AGBL4: variants seen among roughly 807,000 people sequenced by gnomAD.
The protein encoded by AGBL4 is cytosolic carboxypeptidase 6.
AGBL4 carries 58 observed loss-of-function variants against 66.4 expected under a neutral mutation model. The ratio of observed to expected loss-of-function variants is 0.87; its 90% CI spans 0.71 to 1.09. The LOEUF (loss-of-function observed/expected upper bound fraction) is 1.09. Ranked by LOEUF, AGBL4 falls within the 50% of genes least tolerant of loss-of-function variation. The pLI is 0.00. For synonymous variants in AGBL4, 234 were observed against 222.9 expected (o/e 1.05, Z -0.44); for missense variants, 579 against 631.0 (o/e 0.92, Z 0.88).
intron 11 of AGBL4, among the ~76,000 whole-genome samples, chr1:48,546,864 A>AACAC (rs58136623): frequency 0.28 from 36,478 of 128,032 alleles, 5,409 homozygotes; most frequent in Admixed American, 0.43. Flanking sequence ...AAAACAAACA[A>AACAC]ACACACACAC....
intron 3 of AGBL4, among the ~76,000 whole-genome samples, chr1:49,246,723 A>G (rs978027336): frequency 1.3e-5 from 2 of 151,954 alleles, no homozygotes; most frequent in South Asian, 4.1e-4. Context: ...ATATGATAAA[A>G]AGACACTTCA....
chr1:49,841,759 G>C (rs1645995379), intron 2 of AGBL4: 2 of 310,746 alleles, frequency 6.4e-6, no homozygotes. Flanking sequence ...AAGGGAAGCA[G>C]AGCATAAAAG....
At chr1:48,634,439 C>T (rs990210797) in intron 9 of AGBL4, 54 bp downstream of exon 9, 1 of 1,442,370 alleles carries the variant, frequency 6.9e-7, no homozygotes, top group Non-Finnish European at 9.5e-7. Flanking sequence ...CAATGCTGCC[C>T]TTTCCCAGAT....
chr1:49,197,458 G>C (rs1647319415), intron 4 of AGBL4, among the ~76,000 whole-genome samples: 1 of 152,168 alleles, frequency 6.6e-6, no homozygotes, highest in South Asian at 2.1e-4. Flanking sequence ...TTAAGAGTTT[G>C]TTACAGGGGT....
chr1:48,568,623 A>G (rs530241841), intron 11 of AGBL4, among the ~76,000 whole-genome samples: 15 of 152,302 alleles, frequency 9.8e-5, no homozygotes, highest in Admixed American at 5.9e-4. Context: ...GCTAGGAAGA[A>G]TACTCCAACC....
intron 6 of AGBL4, among the ~76,000 whole-genome samples, chr1:48,778,688 A>G (rs979425599): frequency 6.6e-6 from 1 of 152,200 alleles, no homozygotes; most frequent in Non-Finnish European, 1.5e-5. Flanking sequence ...ACTATTTTCC[A>G]CAATGTTTTA....
At chr1:48,705,024 G>A (rs1174888597) in intron 6 of AGBL4, among the ~76,000 whole-genome samples, 2 of 152,176 alleles carry the variant, frequency 1.3e-5, no homozygotes, top group Non-Finnish European at 2.9e-5. Flanking sequence ...TGTCTGCGCT[G>A]TCACTAGGCG....
At chr1:48,568,776 C>T (rs1435848555) in intron 11 of AGBL4, among the ~76,000 whole-genome samples, 1 of 152,130 alleles carries the variant, frequency 6.6e-6, no homozygotes, top group Non-Finnish European at 1.5e-5. Flanking sequence ...TGAAGTCATC[C>T]CTGTCTAAGG....
chr1:49,936,745 T>G (rs1378934574), intron 1 of AGBL4, among the ~76,000 whole-genome samples: 1 of 151,882 alleles, frequency 6.6e-6, no homozygotes, highest in South Asian at 2.1e-4. Context: ...CTAAGCTTCA[T>G]AAAAGTGAAG....
intron 2 of AGBL4, chr1:49,842,399 G>A (rs1304824132): frequency 1.5e-6 from 1 of 662,846 alleles, no homozygotes. Context: ...TGAGATGGGA[G>A]CCCTTCAGGG....
chr1:49,593,397 ACT>A (rs1235028762), intron 3 of AGBL4, among the ~76,000 whole-genome samples: 2 of 152,168 alleles, frequency 1.3e-5, no homozygotes, highest in East Asian at 1.9e-4. Flanking sequence ...ACAGAGCAAG[ACT>A]CTGTCTCAAA....
rs534670359 is a variant in AGBL4 at position 49,828,981 on chromosome 1, A to G, written c.157+22415T>C. Among the ~76,000 whole-genome samples the G allele has an allele frequency of 1.5e-3, 230 of 152,128 alleles. 7 individuals are homozygous for G. The South Asian group carries it at 0.047, about 31-fold the overall frequency. On this transcript the variant is annotated intron_variant, in intron 2 of 13. Coordinates refer to ENST00000371839, the MANE Select transcript of AGBL4 (RefSeq NM_032785.4). ...CTACTCGGGAGGCTGAGGCAGGAGA[A>G]TGGCGTGAACCCGGGAGGCGGAGCT...
At chr1:48,657,918 C>T (rs1323532688) in intron 7 of AGBL4, among the ~76,000 whole-genome samples, 1 of 152,174 alleles carries the variant, frequency 6.6e-6, no homozygotes, top group Non-Finnish European at 1.5e-5. Flanking sequence ...GTCTTCCCTC[C>T]AGGCCATGAG....
chr1:49,412,942 A>G (rs902105413), intron 3 of AGBL4, among the ~76,000 whole-genome samples: 1 of 152,192 alleles, frequency 6.6e-6, no homozygotes, highest in Admixed American at 6.5e-5. Context: ...GGATTTATTG[A>G]CAATGTCAAA....
chr1:49,701,911 A>G (rs1647101850), intron 2 of AGBL4, among the ~76,000 whole-genome samples: 1 of 152,172 alleles, frequency 6.6e-6, no homozygotes, highest in South Asian at 2.1e-4. Context: ...TACTTATATC[A>G]GACAACATAG....
chr1:49,228,044 G>A (rs1357468950), intron 4 of AGBL4, among the ~76,000 whole-genome samples: 2 of 152,080 alleles, frequency 1.3e-5, no homozygotes, highest in Non-Finnish European at 2.9e-5. Context: ...GGCATTTATC[G>A]TCTTAGATTA....
chr1:49,768,008 GAAAA>G (rs1055085197), intron 2 of AGBL4, among the ~76,000 whole-genome samples: 1 of 149,056 alleles, frequency 6.7e-6, no homozygotes, highest in Non-Finnish European at 1.5e-5. Context: ...GGATCTCAAA[GAAAA>G]AAAACAAAAC....
intron 3 of AGBL4, among the ~76,000 whole-genome samples, chr1:49,330,723 T>C (rs1645315272): frequency 2.6e-5 from 4 of 152,026 alleles, no homozygotes; most frequent in East Asian, 1.9e-4. Flanking sequence ...TAAAATAGTG[T>C]TTTGGAATAG....
At position 48,659,763 on chromosome 1, in the gene AGBL4, C is replaced by A. The variant is rs144734388; in HGVS notation, c.724+3389G>T. On this transcript the variant is annotated intron_variant, in intron 7 of 13. Transcript: ENST00000371839. ...CAGTAAGGATTAGAGGAACCAGGTA[C>A]AAAGTGCCTCATGGAGGCCCTGGCA... 2.8e-4 allele frequency among the ~76,000 whole-genome samples: 42 copies of A among 152,332 alleles called. 1 individual carries two copies. The highest frequency in any genetic ancestry group is 1.0e-3 in the African/African-American group (42 of 41,578).
Sources: gnomAD v4.1 joint callset for allele counts (sites outside exome capture counted in the v4.1 genomes callset) on GRCh38, gnomAD v4.1.1 for gene constraint, MANE v1.5 for transcripts, NCBI Gene and HGNC (gene_info 2026-07-23, HGNC 2026-07-21) for gene names.